The following PROM1 variants were observed in gnomAD, a reference collection of about 807,000 sequenced individuals.
PROM1 encodes prominin 1, also known as prominin-1.
In PROM1, 105 loss-of-function variants were observed where a neutral mutation model predicts 116.9. The ratio of observed to expected loss-of-function variants is 0.90; its 90% CI spans 0.77 to 1.06. PROM1 has a LOEUF of 1.06. PROM1 is among the 50% of genes least tolerant of loss of function. PROM1 has a pLI of 0.00. For synonymous variants in PROM1, 393 were observed against 387.0 expected, an observed-to-expected ratio of 1.02 and a Z score of -0.18; for missense variants, 1,122 against 1,045.2, an observed-to-expected ratio of 1.07 and a Z score of -1.01.
At chr4:16,054,557 T>C (rs1363279610) in intron 2 of PROM1, among the ~76,000 whole-genome samples, 2 of 152,234 alleles carry the variant, frequency 1.3e-5, no homozygotes, top group Non-Finnish European at 2.9e-5. Context: ...AACTTAATGC[T>C]GTGTAACTTT....
At chr4:16,058,652 A>G (rs1739590705) in intron 2 of PROM1, among the ~76,000 whole-genome samples, 1 of 136,900 alleles carries the variant, frequency 7.3e-6, no homozygotes. Flanking sequence ...ATCTCCGGGA[A>G]AAAAAAAAAA....
At chr4:15,973,917 G>T (rs1381940243) in intron 26 of PROM1, among the ~76,000 whole-genome samples, 1 of 152,100 alleles carries the variant, frequency 6.6e-6, no homozygotes, top group African/African-American at 2.4e-5. Flanking sequence ...CCGATGTGGG[G>T]ACTGCGCAGG....
Position 15,994,044 on chromosome 4 carries a change from G to GTT in PROM1, c.1709_1710insAA (p.Tyr570Ter), listed in dbSNP as rs1721714409. The GTT allele has an allele frequency of 1.2e-6, 2 of 1,613,878 alleles. No homozygotes were observed. The highest frequency in any genetic ancestry group is 1.7e-6 in the Non-Finnish European group (2 of 1,179,828). ...YSDCKKNRGT[Y>*]GTLHLQNSFN... ...AGCTGTTCTGCAGGTGAAGAGTGCC[G>GTT]TAAGTGCCTCTATTTTTTTTGCAGT... The change falls in exon 16 of 28, where the codon TAC becomes TAAAC. Residue 570 changes from tyrosine (Y) to a stop codon, truncating the protein, a stop_gained and frameshift_variant. Coordinates refer to ENST00000447510, the MANE Select transcript of PROM1 (RefSeq NM_006017.3). LOFTEE classifies it high-confidence loss of function.
chr4:16,039,139 TA>T (rs1262663295), intron 2 of PROM1, 138 bp from the exon 3 acceptor site: 105 of 694,360 alleles, frequency 1.5e-4, no homozygotes, highest in Non-Finnish European at 2.0e-4. Flanking sequence ...TCTTATTTCT[TA>T]ATGTAGGTAA....
At chr4:16,072,320 GA>G (rs1742999345) in intron 2 of PROM1, among the ~76,000 whole-genome samples, 1 of 152,172 alleles carries the variant, frequency 6.6e-6, no homozygotes, top group South Asian at 2.1e-4. Context: ...ATATAAAAGT[GA>G]AAAACTTTCC....
intron 3 of PROM1, 73 bp from the exon 4 acceptor site, chr4:16,035,834 T>C (rs1578146386): frequency 2.9e-6 from 4 of 1,395,502 alleles, no homozygotes; most frequent in Non-Finnish European, 2.0e-6. Context: ...GAAAAAGTTA[T>C]GAGTGATCAA....
At chr4:16,080,296 G>A (rs539605845) in intron 1 of PROM1, among the ~76,000 whole-genome samples, 4 of 151,932 alleles carry the variant, frequency 2.6e-5, no homozygotes, top group East Asian at 1.9e-4. Context: ...CGAGGCGGGC[G>A]GATCACGAGG....
intron 23 of PROM1, 67 bp from the exon 24 acceptor site, chr4:15,980,604 GGAT>G: frequency 2.5e-6 from 2 of 793,342 alleles, no homozygotes; most frequent in Non-Finnish European, 3.6e-6. Flanking sequence ...GTTGTTTGGG[GGAT>G]TTTTTTTTTT....
chr4:16,073,439 C>T (rs770501152), intron 2 of PROM1, among the ~76,000 whole-genome samples: 5 of 152,080 alleles, frequency 3.3e-5, no homozygotes, highest in Non-Finnish European at 7.4e-5. Flanking sequence ...TCATGATTAT[C>T]TTATATGTGT....
intron 27 of PROM1, among the ~76,000 whole-genome samples, chr4:15,970,002 G>A (rs1358304986): frequency 6.6e-6 from 1 of 151,922 alleles, no homozygotes; most frequent in Non-Finnish European, 1.5e-5. Flanking sequence ...GAGTGCATGA[G>A]TGTGTTGGCT....
At chr4:15,985,568 G>C in intron 22 of PROM1, 192 bp downstream of exon 22, 1 of 593,066 alleles carries the variant, frequency 1.7e-6, no homozygotes. Flanking sequence ...GTGAGCAAAG[G>C]GGACCAGGAG....
chr4:15,985,606 C>A, intron 22 of PROM1, 154 bp downstream of exon 22: 1 of 667,242 alleles, frequency 1.5e-6, no homozygotes, highest in Non-Finnish European at 2.6e-6. Flanking sequence ...TGGTGGGAAG[C>A]CCCAGAAGTC....
At chr4:15,993,943 G>C in intron 16 of PROM1, 44 bp downstream of exon 16, 5 of 1,575,538 alleles carry the variant, frequency 3.2e-6, no homozygotes, top group Non-Finnish European at 4.3e-6. Context: ...CCTAGATTTG[G>C]TGAAGGAATG....
intron 2 of PROM1, among the ~76,000 whole-genome samples, chr4:16,075,240 G>A (rs935390537): frequency 1.3e-5 from 2 of 152,168 alleles, no homozygotes; most frequent in Admixed American, 6.5e-5. Context: ...CCTAAGCAAT[G>A]TCAAAATTTG....
Position 15,979,239 on chromosome 4 carries a change from G to C in PROM1, c.2582+156C>G, listed in dbSNP as rs1355438771. 3.3e-5 allele frequency among the ~76,000 whole-genome samples: 5 copies of C among 152,158 alleles called. No homozygotes were observed. In the East Asian group the frequency reaches 9.6e-4, roughly 29 times the overall value. ...GAACATTTAAACTCATGGCATCATG[G>C]AACACTATGTAGAGCATGATTGGAG... On this transcript the variant is annotated intron_variant, in intron 26 of 27. Coordinates refer to ENST00000447510, the MANE Select transcript of PROM1 (RefSeq NM_006017.3).
chr4:16,028,685 G>T, intron 5 of PROM1, among the ~76,000 whole-genome samples: 1 of 139,728 alleles, frequency 7.2e-6, no homozygotes, highest in Non-Finnish European at 1.5e-5. Context: ...ACAACCTCCA[G>T]TCAATTATTA....
intron 2 of PROM1, chr4:16,055,305 C>A: frequency 2.3e-6 from 1 of 443,542 alleles, no homozygotes; most frequent in South Asian, 1.6e-5. Context: ...GAGGCTGAGG[C>A]AGGAGGATCA....
rs200507858 is a variant in PROM1, at chr4:15,992,379, T to G, written c.1780A>C (p.Ile594Leu). Reference sequence around the variant, plus strand: ...TTCAGACTTTCCAATTCACTGCTTATGCTTCCAGTATGCTGCGAAAAAAGG... The same window carrying G: ...TTCAGACTTTCCAATTCACTGCTTAGGCTTCCAGTATGCTGCGAAAAAAGG... ...HLNINEHTGS[I>L]SSELESLKVN... Residue 594 changes from isoleucine to leucine, a missense_variant, in exon 17 of 28, where the codon ATA (isoleucine) becomes CTA (leucine). Ile to Leu is a conservative substitution (Grantham distance 5). Coordinates refer to ENST00000447510, the MANE Select transcript of PROM1 (RefSeq NM_006017.3). 1.3e-4 allele frequency: 206 copies of G among 1,613,672 alleles called. 1 individual carries two copies. In the Middle Eastern group the frequency reaches 2.6e-3, roughly 21 times the overall value.
chr4:16,063,921 TG>T lies in PROM1; in HGVS notation c.220+11765del, dbSNP rs142890225. 8.8e-3 allele frequency among the ~76,000 whole-genome samples: 1,342 copies of T among 152,234 alleles called. 40 individuals carry two copies. The highest frequency in any genetic ancestry group is 0.065 in the East Asian group (338 of 5,180). ...GGTAGAACCAGAGTAAGACTGGTAA[TG>T]AGTTGAAAGTTGTTGGAGCTGAGTG... On this transcript the variant is annotated intron_variant, in intron 2 of 27. Coordinates refer to ENST00000447510, the MANE Select transcript of PROM1 (RefSeq NM_006017.3).
Sources: allele counts gnomAD v4.1 joint callset (sites outside exome capture counted in the v4.1 genomes callset), GRCh38; gene constraint gnomAD v4.1.1; transcripts MANE v1.5; gene names NCBI Gene and HGNC (gene_info 2026-07-23, HGNC 2026-07-21).